The following FOXN3 variants were observed in gnomAD, a reference collection of about 807,000 sequenced individuals.
FOXN3 encodes forkhead box N3.
A neutral mutation model predicts 38.4 loss-of-function variants in FOXN3; 7 were observed. The ratio of observed to expected loss-of-function variants is 0.18; its 90% CI spans 0.10 to 0.34. The LOEUF (loss-of-function observed/expected upper bound fraction) is 0.34. Ranked by LOEUF, FOXN3 falls within the 10% of genes least tolerant of loss-of-function variation. The probability of loss-of-function intolerance (pLI) is 1.00; values close to 1 mark genes in which losing one functional copy is unlikely to be tolerated. For synonymous variants in FOXN3, 230 were observed against 242.2 expected (o/e 0.95, Z 0.47); for missense variants, 456 against 613.4 (o/e 0.74, Z 2.71).
intron 1 of FOXN3, among the ~76,000 whole-genome samples, chr14:89,569,559 C>A (rs1895447580): frequency 6.6e-6 from 1 of 152,202 alleles, no homozygotes; most frequent in African/African-American, 2.4e-5. Context: ...ACACCACTGA[C>A]ATAGATAATC....
At chr14:89,441,914 C>T (rs1469327105) in intron 1 of FOXN3, among the ~76,000 whole-genome samples, 2 of 141,256 alleles carry the variant, frequency 1.4e-5, no homozygotes, top group African/African-American at 2.6e-5. Flanking sequence ...GGGGCTGAAA[C>T]CGGCTGACTT....
At chr14:89,247,391 C>G (rs1885329899) in intron 4 of FOXN3, among the ~76,000 whole-genome samples, 1 of 152,146 alleles carries the variant, frequency 6.6e-6, no homozygotes, top group Non-Finnish European at 1.5e-5. Context: ...TTTCTGGAAC[C>G]TGGGAGAGCT....
chr14:89,244,922 T>C lies in FOXN3; in HGVS notation c.745+36028A>G, dbSNP rs575623499. ...CAATAACCTACCAGATGCCAAGCAC[T>C]GTTCGATATGCTGGGGATAGCACAA... On this transcript the variant is annotated intron_variant, in intron 4 of 5. Coordinates refer to ENST00000557258, the MANE Select transcript of FOXN3 (RefSeq NM_005197.4). 1.6e-3 allele frequency among the ~76,000 whole-genome samples: 241 copies of C among 152,326 alleles called. 1 individual carries two copies. Among genetic ancestry groups the C allele is most frequent in the African/African-American group, 5.5e-3 (230 of 41,582 alleles).
chr14:89,468,240 C>T (rs1226106288), intron 1 of FOXN3, among the ~76,000 whole-genome samples: 2 of 151,782 alleles, frequency 1.3e-5, no homozygotes, highest in Admixed American at 1.3e-4. Context: ...GATCACCTGA[C>T]GTCAAGAGTT....
At chr14:89,260,918 A>G (rs904398466) in intron 4 of FOXN3, among the ~76,000 whole-genome samples, 8 of 152,238 alleles carry the variant, frequency 5.3e-5, no homozygotes, top group African/African-American at 1.9e-4. Flanking sequence ...TATAAAATTC[A>G]TTAAAAACTA....
chr14:89,274,718 C>T (rs67570978), intron 4 of FOXN3, among the ~76,000 whole-genome samples: 13,402 of 152,216 alleles, frequency 0.088, 662 homozygotes, highest in African/African-American at 0.13. Context: ...GTATCGAGTA[C>T]AGCTTGGTAC....
chr14:89,416,193 C>T (rs1426797833), intron 1 of FOXN3, among the ~76,000 whole-genome samples: 1 of 152,208 alleles, frequency 6.6e-6, no homozygotes, highest in Non-Finnish European at 1.5e-5. Flanking sequence ...TCAAGGGGAC[C>T]TGCGGGAGTG....
intron 4 of FOXN3, among the ~76,000 whole-genome samples, chr14:89,275,952 T>C (rs888722656): frequency 1.3e-5 from 2 of 152,178 alleles, no homozygotes; most frequent in African/African-American, 4.8e-5. Context: ...AGTCCTTCCA[T>C]TACATTAGCT....
Position 89,397,394 on chromosome 14 carries a change from T to C in FOXN3, c.543+14540A>G, listed in dbSNP as rs571178670. Reference sequence around the variant, plus strand: ...AACAAACCCCTGTGACATGAGTTTATCTATATAACAAACCTGCACATGTAC... The same window carrying C: ...AACAAACCCCTGTGACATGAGTTTACCTATATAACAAACCTGCACATGTAC... On this transcript the variant is annotated intron_variant, in intron 2 of 5. Transcript: ENST00000557258. 1.7e-4 allele frequency among the ~76,000 whole-genome samples: 25 copies of C among 147,044 alleles called. No homozygotes were observed. In the East Asian group the frequency reaches 4.4e-3, roughly 26 times the overall value.
At chr14:89,251,869 C>T (rs1050073396) in intron 4 of FOXN3, among the ~76,000 whole-genome samples, 17 of 152,210 alleles carry the variant, frequency 1.1e-4, no homozygotes, top group African/African-American at 3.4e-4. Flanking sequence ...GACCTCAAAG[C>T]ACAAGCAATA....
At chr14:89,491,516 G>A (rs1199005205) in intron 1 of FOXN3, among the ~76,000 whole-genome samples, 1 of 152,116 alleles carries the variant, frequency 6.6e-6, no homozygotes, top group Non-Finnish European at 1.5e-5. Flanking sequence ...CAGAATTCAG[G>A]ACCCATGGAC....
intron 1 of FOXN3, among the ~76,000 whole-genome samples, chr14:89,426,953 C>T (rs953853630): frequency 2.0e-5 from 3 of 151,990 alleles, no homozygotes; most frequent in Admixed American, 6.6e-5. Flanking sequence ...AGAGGAGGGC[C>T]GGGCGCGGTG....
intron 4 of FOXN3, among the ~76,000 whole-genome samples, chr14:89,271,973 A>AC (rs1328327768): frequency 1.3e-5 from 2 of 152,248 alleles, no homozygotes; most frequent in Non-Finnish European, 2.9e-5. Flanking sequence ...TCTCCCATCT[A>AC]CAAAATGGTA....
chr14:89,175,005 C>T (rs1361988886), intron 5 of FOXN3, among the ~76,000 whole-genome samples: 2 of 152,206 alleles, frequency 1.3e-5, no homozygotes, highest in African/African-American at 4.8e-5. Flanking sequence ...ACAACCCTAT[C>T]TTAATACTAA....
chr14:89,422,600 A>G (rs909231524), intron 1 of FOXN3, among the ~76,000 whole-genome samples: 1 of 152,152 alleles, frequency 6.6e-6, no homozygotes, highest in African/African-American at 2.4e-5. Flanking sequence ...AAAACTCCTC[A>G]CTTTCCCGCT....
chr14:89,264,621 G>A (rs1885914202), intron 4 of FOXN3, among the ~76,000 whole-genome samples: 1 of 152,148 alleles, frequency 6.6e-6, no homozygotes, highest in South Asian at 2.1e-4. Context: ...GTGATCAGAT[G>A]AGAATCAGGC....
intron 3 of FOXN3, among the ~76,000 whole-genome samples, chr14:89,336,507 C>T (rs944864651): frequency 1.3e-5 from 2 of 152,184 alleles, no homozygotes; most frequent in African/African-American, 4.8e-5. Context: ...GGCAAATTAC[C>T]TTGAGAAGAA....
rs561619433 is a variant in FOXN3, at chr14:89,446,869, T to C, written c.-14-34379A>G. 3.3e-5 allele frequency among the ~76,000 whole-genome samples: 5 copies of C among 152,358 alleles called. No homozygotes were observed. In the East Asian group the frequency reaches 7.7e-4, roughly 24 times the overall value. The stretch of plus-strand genomic sequence containing the variant: ...AAGGCCAAATGAACAGCCAGATTCA[T>C]TAATATATCTTGTACAGATCTCTAT... On this transcript the variant is annotated intron_variant, in intron 1 of 6. Coordinates refer to the FOXN3 transcript ENST00000345097.
chr14:89,213,741 C>T (rs1052412435), intron 4 of FOXN3, among the ~76,000 whole-genome samples: 2 of 152,210 alleles, frequency 1.3e-5, no homozygotes, highest in African/African-American at 4.8e-5. Flanking sequence ...GGCCCTTTCC[C>T]ATTTGTCCTG....
Sources: allele counts gnomAD v4.1 joint callset (sites outside exome capture counted in the v4.1 genomes callset), GRCh38; gene constraint gnomAD v4.1.1; transcripts MANE v1.5; gene names NCBI Gene and HGNC (gene_info 2026-07-23, HGNC 2026-07-21).